PIK3C2B: variants seen among roughly 807,000 people sequenced by gnomAD.
PIK3C2B encodes the protein phosphatidylinositol-4-phosphate 3-kinase catalytic subunit type 2 beta, also known as phosphatidylinositol 4-phosphate 3-kinase C2 domain-containing subunit beta.
PIK3C2B carries 83 observed loss-of-function variants against 184.3 expected under a neutral mutation model. That is an observed-to-expected ratio of 0.45 (90% confidence interval 0.38 to 0.54). PIK3C2B has a LOEUF of 0.54. Among genes scored for constraint, PIK3C2B ranks in the 20% least tolerant of loss-of-function variants. The pLI is 0.00. For synonymous variants in PIK3C2B, 779 were observed against 837.6 expected (o/e 0.93, Z 1.21); for missense variants, 1,736 against 2,113.5 (o/e 0.82, Z 3.50).
chr1:204,442,814 C>T (rs1107339), intron 19 of PIK3C2B, among the ~76,000 whole-genome samples, 181 bp from the exon 20 acceptor site: 21,622 of 152,178 alleles, frequency 0.14, 2,041 homozygotes, highest in East Asian at 0.42. Context: ...TGGGACTGTA[C>T]GCTAACAGCA....
intron 29 of PIK3C2B, 27 bp downstream of exon 29, chr1:204,429,894 G>A: frequency 4.2e-6 from 6 of 1,431,392 alleles, no homozygotes; most frequent in Middle Eastern, 1.8e-4. Context: ...AGCCTGGACA[G>A]CCAGGAGGAG....
At position 204,460,336 on chromosome 1, in the gene PIK3C2B, T is replaced by G. The variant is rs1392089991; in HGVS notation, c.1490A>C (p.Gln497Pro). 4 of 1,613,562 alleles carry G rather than the reference T, an allele frequency of 2.5e-6. No homozygotes were observed. In the African/African-American group the frequency reaches 5.3e-5, roughly 22 times the overall value. The change falls in exon 7 of 33, where the codon CAG becomes CCG. Residue 497 changes from glutamine to proline, a missense_variant. This residue lies in a region of PIK3C2B where 609 missense variants were observed against 699.2 expected (regional missense o/e 0.87). Coordinates refer to ENST00000684373, the MANE Select transcript of PIK3C2B (RefSeq NM_001377334.1). ...LVHLQERPVK[Q>P]TISRQALSLL... ...TGCCCACACTCACCTGCTGATGGTCTGCTTGACAGGCCTCTCTTGGAGATG... is the reference window on the plus strand; with the variant it reads ...TGCCCACACTCACCTGCTGATGGTCGGCTTGACAGGCCTCTCTTGGAGATG...
chr1:204,469,454 G>T lies in PIK3C2B; in HGVS notation c.349C>A (p.Pro117Thr). Reference protein sequence around the residue: ...TSQGPQPGSDPWPKGSLSGDY... With the variant: ...TSQGPQPGSDTWPKGSLSGDY... ...CCAGACAGGGAGCCTTTGGGCCAGG[G>T]ATCTGAGCCAGGCTGTGGCCCTTGG... is the stretch of plus-strand genomic sequence containing the variant. Residue 117 changes from proline (P) to threonine (T), a missense_variant, in exon 2 of 33, where the codon CCC becomes ACC. By Grantham distance (38) the Pro-to-Thr change is conservative (BLOSUM62 -1). Around this residue, in one of 8 missense-constraint regions of PIK3C2B, gnomAD observed 404 missense variants for 418.0 expected, o/e 0.97. Transcript: ENST00000684373. 1 of 1,590,612 alleles carries T rather than the reference G, an allele frequency of 6.3e-7. No individual in the cohort carries two copies. Among genetic ancestry groups the T allele is most frequent in the Non-Finnish European group, 8.5e-7 (1 of 1,170,492 alleles).
rs1558257293 is a variant in PIK3C2B, at chr1:204,456,908, C to CA, written c.1747+128_1747+129insT. 6.0e-4 allele frequency: 130 copies of CA among 215,014 alleles called. 1 individual carries two copies. Among genetic ancestry groups the CA allele is most frequent in the East Asian group, 2.1e-3 (16 of 7,660 alleles). 13.3% of individuals were successfully genotyped at this position (215,014 alleles called of 1,614,324 possible). A position where few individuals can be genotyped will look rare whatever the true frequency, so the allele number is the denominator to read the frequency against. On this transcript the variant is annotated intron_variant, in intron 10 of 32. Coordinates refer to ENST00000684373, the MANE Select transcript of PIK3C2B (RefSeq NM_001377334.1). ...CACACACACACACACACACACACAC[C>CA]CACACACACACACACACCAGCCGAA...
At chr1:204,483,141 G>T (rs747954868) in intron 1 of PIK3C2B, among the ~76,000 whole-genome samples, 8 of 152,204 alleles carry the variant, frequency 5.3e-5, no homozygotes, top group Admixed American at 2.6e-4. Context: ...CCTCAGAAAG[G>T]CCAGGCACAG....
chr1:204,486,394 CAAAA>C (rs34149363), intron 1 of PIK3C2B, among the ~76,000 whole-genome samples: 3 of 86,580 alleles, frequency 3.5e-5, no homozygotes, highest in Admixed American at 1.2e-4. Context: ...GACTCAGTCT[CAAAA>C]AAAAAAAAAA....
chr1:204,442,900 G>T (rs1172508487), intron 19 of PIK3C2B, among the ~76,000 whole-genome samples: 1 of 152,248 alleles, frequency 6.6e-6, no homozygotes, highest in East Asian at 1.9e-4. Flanking sequence ...AGGGCAGGCT[G>T]TCTCTCAAGG....
At chr1:204,453,119 A>C (rs968472935) in intron 12 of PIK3C2B, among the ~76,000 whole-genome samples, 1 of 152,122 alleles carries the variant, frequency 6.6e-6, no homozygotes, top group Non-Finnish European at 1.5e-5. Flanking sequence ...GACCCTCCTC[A>C]GTCTCTTTAA....
At chr1:204,465,961 C>T (rs970775740) in intron 2 of PIK3C2B, among the ~76,000 whole-genome samples, 6 of 152,224 alleles carry the variant, frequency 3.9e-5, no homozygotes, top group Non-Finnish European at 5.9e-5. Context: ...CCGAGTCAGC[C>T]GGCTCTGAAC....
intron 20 of PIK3C2B, among the ~76,000 whole-genome samples, chr1:204,442,162 G>A (rs1341878146): frequency 6.6e-6 from 1 of 152,266 alleles, no homozygotes; most frequent in African/African-American, 2.4e-5. Flanking sequence ...CCACAGATAT[G>A]CCTTTCTTCC....
chr1:204,444,266 T>C (rs1653654484), intron 17 of PIK3C2B, 65 bp downstream of exon 17: 3 of 1,479,856 alleles, frequency 2.0e-6, no homozygotes, highest in East Asian at 2.3e-5. Flanking sequence ...AGGGGCAGAA[T>C]GCAGACTCAC....
intron 23 of PIK3C2B, among the ~76,000 whole-genome samples, chr1:204,437,459 C>T (rs1675412073): frequency 6.6e-6 from 1 of 151,998 alleles, no homozygotes; most frequent in Admixed American, 6.6e-5. Context: ...CGTGCCATTG[C>T]ACTCCGGCCT....
chr1:204,469,103 C>A lies in PIK3C2B; in HGVS notation c.700G>T (p.Ala234Ser), dbSNP rs1423682400. 59 of 1,614,088 alleles carry A rather than the reference C, an allele frequency of 3.7e-5. No individual in the cohort carries two copies. The highest frequency in any genetic ancestry group is 5.0e-5 in the Non-Finnish European group (59 of 1,180,036). Residue 234 changes from alanine (A) to serine (S), a missense_variant, in exon 2 of 33, where the codon GCA becomes TCA. This residue lies in a region of PIK3C2B where 404 missense variants were observed against 418.0 expected (regional missense o/e 0.97). Transcript: ENST00000684373. ...GSVDYDGINDAITRLNLKSTY... is the reference protein window; with the variant it reads ...GSVDYDGINDSITRLNLKSTY... ...GATTTCAAGTTGAGCCTAGTAATTG[C>A]ATCATTGATACCATCATAGTCCACA...
chr1:204,490,337 T>C (rs1342743960), intron 1 of PIK3C2B: 1 of 163,566 alleles, frequency 6.1e-6, no homozygotes, highest in Non-Finnish European at 1.3e-5. Flanking sequence ...ACAAATGTCT[T>C]CTGATTCTTT....
intron 5 of PIK3C2B, among the ~76,000 whole-genome samples, chr1:204,461,995 G>C (rs1301007463): frequency 6.6e-6 from 1 of 151,856 alleles, no homozygotes; most frequent in Non-Finnish European, 1.5e-5. Flanking sequence ...CAGTTGTCAT[G>C]TGTTGGGGGT....
rs528275960 is a variant in PIK3C2B at position 204,455,739 on chromosome 1, C to G, written c.1943+117G>C. The G allele has an allele frequency of 8.4e-6, 7 of 831,168 alleles. No homozygotes were observed. In the Admixed American group the frequency reaches 1.8e-4, roughly 21 times the overall value. The allele number at this position is 831,168 out of a possible 1,614,324, so 51.5% of individuals were successfully genotyped here. A position where few individuals can be genotyped will look rare whatever the true frequency, so the allele number is the denominator to read the frequency against. ...CCGCAGCCCCATTGCACCACAATGT[C>G]ACACAATGCCACACATCCTAAGACT... is the stretch of plus-strand genomic sequence containing the variant. On this transcript the variant is annotated intron_variant, in intron 11 of 32. Coordinates refer to ENST00000684373, the MANE Select transcript of PIK3C2B (RefSeq NM_001377334.1).
At chr1:204,444,643 G>A (rs1373974023) in intron 16 of PIK3C2B, among the ~76,000 whole-genome samples, 3 of 152,140 alleles carry the variant, frequency 2.0e-5, no homozygotes, top group Non-Finnish European at 4.4e-5. Context: ...GAGCCATGGG[G>A]GAACAACTAG....
At chr1:204,481,965 A>T (rs1232823127) in intron 1 of PIK3C2B, among the ~76,000 whole-genome samples, 1 of 152,194 alleles carries the variant, frequency 6.6e-6, no homozygotes, top group Non-Finnish European at 1.5e-5. Flanking sequence ...TCACTTACAC[A>T]GGGGTGTGAG....
At position 204,469,816 on chromosome 1, in the gene PIK3C2B, G is replaced by C; in HGVS notation, c.-14C>G. 2 of 1,586,104 alleles carry C rather than the reference G, an allele frequency of 1.3e-6. No homozygotes were observed. The highest frequency in any genetic ancestry group is 1.7e-6 in the Non-Finnish European group (2 of 1,154,862). On this transcript the variant is annotated 5_prime_UTR_variant, in exon 2 of 33. Coordinates refer to ENST00000684373, the MANE Select transcript of PIK3C2B (RefSeq NM_001377334.1). ...AGTCGAAGACATGGTGAGGATGGGG[G>C]ACACAGGCAACAAAGTCTCTACTTC...
Sources: allele counts gnomAD v4.1 joint callset (sites outside exome capture counted in the v4.1 genomes callset), GRCh38; gene constraint gnomAD v4.1.1; regional missense constraint gnomAD v4.1.1; transcripts MANE v1.5; gene names NCBI Gene and HGNC (gene_info 2026-07-23, HGNC 2026-07-21).